RELL1: variants seen among roughly 807,000 people sequenced by gnomAD.
RELL1 encodes RELT like 1, also known as RELT-like protein 1.
A neutral mutation model predicts 23.0 loss-of-function variants in RELL1; 10 were observed. That is an observed-to-expected ratio of 0.43 (90% CI 0.27 to 0.74). The LOEUF is 0.74. Ranked by LOEUF, RELL1 falls within the 30% of genes least tolerant of loss-of-function variation. The pLI is 0.19. For missense variants in RELL1, 315 were observed against 364.4 expected, an observed-to-expected ratio of 0.86 and a Z score of 1.10; for synonymous variants, 146 against 146.8, an observed-to-expected ratio of 0.99 and a Z score of 0.04.
intron 6 of RELL1, among the ~76,000 whole-genome samples, chr4:37,602,620 C>A (rs988909137): frequency 6.6e-6 from 1 of 152,124 alleles, no homozygotes; most frequent in African/African-American, 2.4e-5. Context: ...ACCAAACATG[C>A]CGCTTACAGC....
chr4:37,600,452 T>C (rs922667493), intron 6 of RELL1, among the ~76,000 whole-genome samples: 1 of 152,176 alleles, frequency 6.6e-6, no homozygotes, highest in African/African-American at 2.4e-5. Context: ...CTGTTCTACC[T>C]ACATCATTAA....
intron 1 of RELL1, among the ~76,000 whole-genome samples, chr4:37,659,351 G>A (rs534177897): frequency 1.4e-4 from 21 of 152,366 alleles, no homozygotes; most frequent in Admixed American, 2.6e-4. Flanking sequence ...GAGGAGGCAT[G>A]AAGCATGGCT....
chr4:37,657,318 A>AG (rs1302583590), intron 1 of RELL1, among the ~76,000 whole-genome samples: 4 of 152,226 alleles, frequency 2.6e-5, no homozygotes, highest in African/African-American at 9.6e-5. Flanking sequence ...GTTCAGGAAC[A>AG]GAGACACTGA....
intron 6 of RELL1, among the ~76,000 whole-genome samples, chr4:37,619,975 C>T (rs192993195): frequency 1.4e-4 from 22 of 152,256 alleles, no homozygotes; most frequent in Admixed American, 1.4e-3. Flanking sequence ...TAAAGTTGGG[C>T]ATTTTTTATG....
Position 37,634,014 on chromosome 4 carries a change from C to T in RELL1, c.680+873G>A, listed in dbSNP as rs377358560. On this transcript the variant is annotated intron_variant, in intron 5 of 6. Transcript: ENST00000454158. Reference sequence around the variant, plus strand: ...CGGTCTCACTCCAGCATGTGTGTTCCTTACCAGTACTCCCCACTGTCTTTC... The same window carrying T: ...CGGTCTCACTCCAGCATGTGTGTTCTTTACCAGTACTCCCCACTGTCTTTC... Among the ~76,000 whole-genome samples, 88 of 152,362 alleles carry T rather than the reference C, an allele frequency of 5.8e-4. 2 individuals are homozygous for T. The South Asian group carries it at 0.016, about 28-fold the overall frequency.
chr4:37,636,886 C>T (rs1254604361), intron 4 of RELL1, among the ~76,000 whole-genome samples: 1 of 152,146 alleles, frequency 6.6e-6, no homozygotes, highest in Non-Finnish European at 1.5e-5. Flanking sequence ...AGAAGTAGAG[C>T]CTACGGTTGA....
At chr4:37,679,089 AG>A (rs1014251959) in intron 1 of RELL1, among the ~76,000 whole-genome samples, 4 of 152,204 alleles carry the variant, frequency 2.6e-5, no homozygotes, top group Admixed American at 6.5e-5. Flanking sequence ...GTTTGGCAAA[AG>A]GATCCCCAAG....
At chr4:37,590,763 G>A (rs200703557), downstream of RELL1, 62 of 1,614,118 alleles carry the variant, frequency 3.8e-5, no homozygotes, top group East Asian at 1.1e-3. Flanking sequence ...TCTCTGTGAG[G>A]AGAAGCTGGG....
intron 1 of RELL1, among the ~76,000 whole-genome samples, chr4:37,673,538 C>G (rs1721915586): frequency 6.6e-6 from 1 of 152,138 alleles, no homozygotes. Context: ...TTTCTCAGCA[C>G]TCCTTAAACT....
At chr4:37,667,735 CTT>C (rs33933668) in intron 1 of RELL1, among the ~76,000 whole-genome samples, 1 of 150,756 alleles carries the variant, frequency 6.6e-6, no homozygotes, top group Non-Finnish European at 1.5e-5. Context: ...GTCAATTTAT[CTT>C]TTTTTTTAAC....
chr4:37,684,269 C>A (rs1722325561), intron 1 of RELL1, among the ~76,000 whole-genome samples: 1 of 151,826 alleles, frequency 6.6e-6, no homozygotes, highest in Non-Finnish European at 1.5e-5. Flanking sequence ...TCTTTACACA[C>A]GCCTCAAGAT....
rs932470622 is a variant in RELL1 at position 37,686,349 on chromosome 4, C to A, written c.-62G>T. The A allele has an allele frequency of 1.5e-5, 19 of 1,300,794 alleles. No individual in the cohort carries two copies. The highest frequency in any genetic ancestry group is 1.4e-4 in the South Asian group (9 of 64,504). The allele number at this position is 1,300,794 out of a possible 1,614,324, so 80.6% of individuals were successfully genotyped here. A position where few individuals can be genotyped will look rare whatever the true frequency, so the allele number is the denominator to read the frequency against. On this transcript the variant is annotated 5_prime_UTR_variant, in exon 1 of 7. Transcript: ENST00000454158. The stretch of plus-strand genomic sequence containing the variant: ...CGTCCCGCGCTCGGGAAGGCAGAGC[C>A]GCTCCGGAGCCGGCGGGCTGATCGA...
intron 6 of RELL1, among the ~76,000 whole-genome samples, chr4:37,598,841 T>A (rs1413098024): frequency 1.3e-5 from 2 of 152,080 alleles, no homozygotes; most frequent in African/African-American, 2.4e-5. Context: ...TGCACCACCA[T>A]GCCCAGCTAG....
chr4:37,664,446 G>T (rs1455331656), intron 1 of RELL1, among the ~76,000 whole-genome samples: 1 of 151,376 alleles, frequency 6.6e-6, no homozygotes, highest in Non-Finnish European at 1.5e-5. Context: ...AAAAGTAAAA[G>T]ACCTTTCTCT....
chr4:37,636,757 C>T (rs1032835755), intron 4 of RELL1, among the ~76,000 whole-genome samples: 4 of 152,096 alleles, frequency 2.6e-5, no homozygotes, highest in Non-Finnish European at 5.9e-5. Context: ...CTGAGGGTGG[C>T]GTGGCACCCA....
intron 1 of RELL1, among the ~76,000 whole-genome samples, chr4:37,655,989 T>C (rs1191862252): frequency 2.6e-5 from 4 of 152,144 alleles, no homozygotes; most frequent in African/African-American, 9.7e-5. Context: ...GATCTAGAAA[T>C]CCCACTTCTG....
At chr4:37,672,360 T>C (rs925993483) in intron 1 of RELL1, among the ~76,000 whole-genome samples, 1 of 152,086 alleles carries the variant, frequency 6.6e-6, no homozygotes, top group African/African-American at 2.4e-5. Flanking sequence ...AAAATGTTCC[T>C]ATCACTCAAG....
chr4:37,613,222 T>G lies in RELL1; in HGVS notation c.*124A>C, dbSNP rs1719467641. 1 of 152,240 alleles carries G rather than the reference T, an allele frequency of 6.6e-6. No individual in the cohort carries two copies. Among genetic ancestry groups the G allele is most frequent in the Non-Finnish European group, 1.5e-5 (1 of 68,040 alleles). The allele number at this position is 152,240 out of a possible 1,614,324, so 9.4% of individuals were successfully genotyped here. A position where few individuals can be genotyped will look rare whatever the true frequency, so the allele number is the denominator to read the frequency against. ...ATGGCACAGCAATAATATTCCCTTTTAGGTTTTATCCACGTGCCTGCTGAC... is the reference window on the plus strand; with the variant it reads ...ATGGCACAGCAATAATATTCCCTTTGAGGTTTTATCCACGTGCCTGCTGAC... On this transcript the variant is annotated 3_prime_UTR_variant, in exon 7 of 7. Coordinates refer to ENST00000454158, the MANE Select transcript of RELL1 (RefSeq NM_001085400.2).
At chr4:37,669,146 C>T in intron 1 of RELL1, among the ~76,000 whole-genome samples, 1 of 136,368 alleles carries the variant, frequency 7.3e-6, no homozygotes, top group African/African-American at 3.0e-5. Context: ...TGAGGAGCCC[C>T]TCTGCCCGGC....
Sources: gnomAD v4.1 joint callset for allele counts (sites outside exome capture counted in the v4.1 genomes callset) on GRCh38, gnomAD v4.1.1 for gene constraint, MANE v1.5 for transcripts, NCBI Gene and HGNC (gene_info 2026-07-23, HGNC 2026-07-21) for gene names.